The following MAGI1 variants were observed in gnomAD, a reference collection of about 807,000 sequenced individuals.
MAGI1 encodes the protein membrane-associated guanylate kinase, WW and PDZ domain-containing protein 1.
A neutral mutation model predicts 139.9 loss-of-function variants in MAGI1; 58 were observed. The observed-to-expected ratio is 0.41, with a 90% CI of 0.34 to 0.52. The LOEUF is 0.52. Ranked by LOEUF, MAGI1 falls within the 20% of genes least tolerant of loss-of-function variation. MAGI1 has a pLI of 0.12. For synonymous variants in MAGI1, 812 were observed against 737.9 expected (o/e 1.10, Z -1.63); for missense variants, 1,874 against 1,901.6 (o/e 0.99, Z 0.27).
At chr3:65,750,604 T>G (rs768515454) in intron 1 of MAGI1, among the ~76,000 whole-genome samples, 101 of 152,238 alleles carry the variant, frequency 6.6e-4, no homozygotes, top group Non-Finnish European at 1.1e-3. Flanking sequence ...AATTTTGCTG[T>G]GTAAATCAGA....
intron 4 of MAGI1, 130 bp downstream of exon 4, chr3:65,478,462 G>A: frequency 2.5e-6 from 2 of 802,188 alleles, no homozygotes; most frequent in Non-Finnish European, 4.3e-6. Flanking sequence ...GCACTGTGTG[G>A]TCCAAGTTTG....
Position 65,959,955 on chromosome 3 carries a change from G to A in MAGI1, c.313+78041C>T, listed in dbSNP as rs74380012. The stretch of plus-strand genomic sequence containing the variant: ...AGAGTAGCTGTGATTACAGGAGCCC[G>A]CCATCACGCCCAGCTAATTTTTTTG... On this transcript the variant is annotated intron_variant, in intron 1 of 22. Transcript: ENST00000402939. Among the ~76,000 whole-genome samples the A allele has an allele frequency of 4.7e-3, 714 of 150,890 alleles. 6 individuals are homozygous for A. Among genetic ancestry groups the A allele is most frequent in the African/African-American group, 0.016 (672 of 41,062 alleles).
chr3:65,365,290 C>G (rs1941307518), intron 18 of MAGI1: 1 of 469,364 alleles, frequency 2.1e-6, no homozygotes, highest in African/African-American at 2.0e-5. Flanking sequence ...AAGTGCTGCA[C>G]CACAGCAGAA....
intron 2 of MAGI1, chr3:65,597,935 G>C (rs1001507516): frequency 7.6e-6 from 3 of 395,930 alleles, no homozygotes; most frequent in Admixed American, 2.8e-5. Context: ...TGGGGGGGGG[G>C]TGGGACCGAA....
intron 13 of MAGI1, among the ~76,000 whole-genome samples, chr3:65,397,224 TGAGA>T (rs1447382491): frequency 6.6e-5 from 10 of 152,322 alleles, no homozygotes; most frequent in African/African-American, 2.4e-4. Flanking sequence ...TGTGTGAGTC[TGAGA>T]AAGAGGCAGG....
intron 1 of MAGI1, among the ~76,000 whole-genome samples, chr3:65,647,895 G>T (rs1301714338): frequency 6.6e-6 from 1 of 152,128 alleles, no homozygotes; most frequent in Non-Finnish European, 1.5e-5. Context: ...GACAGCACAA[G>T]GCTCTCACCA....
At chr3:65,878,283 A>G (rs2060194091) in intron 1 of MAGI1, among the ~76,000 whole-genome samples, 1 of 152,142 alleles carries the variant, frequency 6.6e-6, no homozygotes, top group Non-Finnish European at 1.5e-5. Flanking sequence ...TTGGGAGGCC[A>G]AGGCGGGCAG....
intron 1 of MAGI1, among the ~76,000 whole-genome samples, chr3:65,957,350 CAAAAAAAA>C (rs1174740233): frequency 1.1e-5 from 1 of 91,512 alleles, no homozygotes; most frequent in Non-Finnish European, 2.1e-5. Flanking sequence ...CCTGTCTCTA[CAAAAAAAA>C]AAAAAAAAAA....
intron 1 of MAGI1, among the ~76,000 whole-genome samples, chr3:65,869,134 A>T (rs1390287587): frequency 6.8e-6 from 1 of 146,902 alleles, no homozygotes; most frequent in African/African-American, 2.5e-5. Context: ...AGGCGCCTGT[A>T]GTCCCAGCTA....
intron 17 of MAGI1, among the ~76,000 whole-genome samples, chr3:65,377,982 T>C (rs779951612): frequency 2.0e-5 from 3 of 152,212 alleles, no homozygotes; most frequent in Non-Finnish European, 4.4e-5. Context: ...CCAGTTTCCA[T>C]GTGGATAAGT....
chr3:65,527,319 C>T (rs2078432101), intron 2 of MAGI1, among the ~76,000 whole-genome samples: 1 of 152,226 alleles, frequency 6.6e-6, no homozygotes, highest in African/African-American at 2.4e-5. Flanking sequence ...GTGGCTCATG[C>T]CTATAATCCC....
At chr3:65,508,504 A>T (rs990018363) in intron 2 of MAGI1, among the ~76,000 whole-genome samples, 1 of 152,192 alleles carries the variant, frequency 6.6e-6, no homozygotes, top group African/African-American at 2.4e-5. Context: ...CTTTAAATAG[A>T]ATCTAATAGA....
intron 12 of MAGI1, among the ~76,000 whole-genome samples, chr3:65,406,790 T>C (rs930093378): frequency 7.1e-6 from 1 of 141,326 alleles, no homozygotes; most frequent in Non-Finnish European, 1.6e-5. Context: ...CACACAGTTA[T>C]AGATCTCTCT....
intron 2 of MAGI1, among the ~76,000 whole-genome samples, chr3:65,555,893 C>G (rs2080062527): frequency 6.6e-6 from 1 of 152,270 alleles, no homozygotes; most frequent in Middle Eastern, 3.4e-3. Flanking sequence ...ACGCTTGATA[C>G]AGAGCCTGAT....
chr3:65,462,759 G>A (rs748443466), intron 5 of MAGI1, among the ~76,000 whole-genome samples: 2 of 152,158 alleles, frequency 1.3e-5, no homozygotes, highest in Non-Finnish European at 2.9e-5. Context: ...AGCATGGAAT[G>A]TTTTTCCATT....
At chr3:65,550,027 C>G (rs1191064571) in intron 2 of MAGI1, among the ~76,000 whole-genome samples, 1 of 152,120 alleles carries the variant, frequency 6.6e-6, no homozygotes, top group African/African-American at 2.4e-5. Context: ...CTGGGTCCAC[C>G]ACCTGGCACT....
chr3:65,843,034 A>G (rs2058860567), intron 1 of MAGI1, among the ~76,000 whole-genome samples: 1 of 152,194 alleles, frequency 6.6e-6, no homozygotes, highest in Admixed American at 6.5e-5. Flanking sequence ...AATGGTCTTC[A>G]ATGATCCCCA....
At chr3:65,590,615 C>T (rs562220531) in intron 2 of MAGI1, among the ~76,000 whole-genome samples, 2 of 152,154 alleles carry the variant, frequency 1.3e-5, no homozygotes, top group Admixed American at 6.6e-5. Context: ...CTGTCCCCCC[C>T]ATTCGTCTTT....
At chr3:65,984,701 A>G (rs1202019074) in intron 1 of MAGI1, among the ~76,000 whole-genome samples, 1 of 114,336 alleles carries the variant, frequency 8.7e-6, no homozygotes, top group Non-Finnish European at 1.7e-5. Flanking sequence ...ATGCCTTGCT[A>G]ATTTTTTTTT....
Sources: gnomAD v4.1 joint callset for allele counts (sites outside exome capture counted in the v4.1 genomes callset) on GRCh38, gnomAD v4.1.1 for gene constraint, MANE v1.5 for transcripts, NCBI Gene and HGNC (gene_info 2026-07-23, HGNC 2026-07-21) for gene names.